The following DOCK9 variants were observed in gnomAD, a reference collection of about 807,000 sequenced individuals.
The protein encoded by DOCK9 is dedicator of cytokinesis protein 9.
Under a neutral mutation model 263.3 loss-of-function variants are expected in DOCK9, and 89 were observed. The ratio of observed to expected loss-of-function variants is 0.34; its 90% CI spans 0.28 to 0.40. The LOEUF (loss-of-function observed/expected upper bound fraction) is 0.40. DOCK9 is among the 10% of genes least tolerant of loss of function. DOCK9 has a pLI of 1.00. For missense variants in DOCK9, 2,140 were observed against 2,603.4 expected (o/e 0.82, Z 3.87); for synonymous variants, 976 against 973.1 (o/e 1.00, Z -0.06).
upstream of DOCK9, chr13:98,978,164 TC>T: frequency 7.8e-7 from 1 of 1,276,392 alleles, no homozygotes; most frequent in Non-Finnish European, 1.0e-6. Flanking sequence ...GAAAACAAAC[TC>T]CAAGCTGAAC....
At chr13:98,841,832 G>T (rs1163726419) in intron 38 of DOCK9, among the ~76,000 whole-genome samples, 1 of 151,348 alleles carries the variant, frequency 6.6e-6, no homozygotes, top group African/African-American at 2.4e-5. Context: ...TAGTAGAGAC[G>T]GGGTTTCACC....
intron 1 of DOCK9, among the ~76,000 whole-genome samples, chr13:98,967,745 G>A (rs1302822757): frequency 6.6e-6 from 1 of 152,094 alleles, no homozygotes; most frequent in Non-Finnish European, 1.5e-5. Context: ...CTACAGCAGA[G>A]ATAAAAAGCA....
intron 2 of DOCK9, among the ~76,000 whole-genome samples, chr13:98,933,865 CTGT>C (rs71724333): frequency 0.24 from 36,007 of 148,786 alleles, 4,727 homozygotes; most frequent in Non-Finnish European, 0.29. Context: ...AACCTAGCCT[CTGT>C]TGTTGTTGTT....
At chr13:98,836,396 G>A (rs1017553292) in intron 39 of DOCK9, among the ~76,000 whole-genome samples, 4 of 152,124 alleles carry the variant, frequency 2.6e-5, no homozygotes, top group Admixed American at 6.6e-5. Flanking sequence ...GAGAGGCTCC[G>A]AAGCTTCTTT....
rs147175342 is a variant in DOCK9 at position 98,821,575 on chromosome 13, A to G, written c.5130+2823T>C. ...CATTCGTTAACAAGGGAGGGATCTC[A>G]GAACTACATGGGCCATGGGGAATTT... is the stretch of plus-strand genomic sequence containing the variant. On this transcript the variant is annotated intron_variant, in intron 45 of 52. Coordinates refer to ENST00000682017, the MANE Select transcript of DOCK9 (RefSeq NM_001366683.2). Among the ~76,000 whole-genome samples, 701 of 152,332 alleles carry G rather than the reference A, an allele frequency of 4.6e-3. 6 individuals are homozygous for G. Among genetic ancestry groups the G allele is most frequent in the South Asian group, 0.026 (126 of 4,824 alleles).
chr13:98,883,864 G>A lies in DOCK9; in HGVS notation c.2418C>T (p.Gly806=). 6.2e-7 allele frequency: 1 copy of A among 1,609,952 alleles called. No individual in the cohort carries two copies. Among genetic ancestry groups the A allele is most frequent in the Non-Finnish European group, 8.5e-7 (1 of 1,178,624 alleles). The part of the protein sequence containing the change: ...YGPEIKWVDG[G]KPLLKISTHL... ...GAGTGGAAATTTTCAGCAGTGGCTT[G>A]CCTCCATCTACCCATTTAATTTCCG... Residue 806 remains glycine, a synonymous_variant, in exon 22 of 53, where the codon GGC becomes GGT. Transcript: ENST00000682017.
chr13:98,917,623 A>G (rs578061785), intron 7 of DOCK9, among the ~76,000 whole-genome samples: 1 of 142,716 alleles, frequency 7.0e-6, no homozygotes, highest in East Asian at 2.1e-4. Context: ...ATATACTTTC[A>G]TGTATTTTAC....
At chr13:98,933,412 C>G (rs2054272819) in intron 2 of DOCK9, among the ~76,000 whole-genome samples, 2 of 151,784 alleles carry the variant, frequency 1.3e-5, no homozygotes, top group Non-Finnish European at 2.9e-5. Flanking sequence ...AAACAGAATC[C>G]TGAATTTTTT....
At chr13:99,081,501 T>C (rs2042119566) in intron 1 of DOCK9, among the ~76,000 whole-genome samples, 1 of 152,218 alleles carries the variant, frequency 6.6e-6, no homozygotes. Flanking sequence ...CATAGTGAGA[T>C]AAGATCAGTA....
chr13:98,946,685 C>T (rs1396781929), intron 2 of DOCK9, among the ~76,000 whole-genome samples: 5 of 152,216 alleles, frequency 3.3e-5, no homozygotes, highest in African/African-American at 1.2e-4. Flanking sequence ...TTCTTGCTTT[C>T]CCAATCCTGG....
chr13:98,870,112 A>T (rs1162874742), intron 27 of DOCK9, among the ~76,000 whole-genome samples: 2 of 152,240 alleles, frequency 1.3e-5, no homozygotes, highest in Non-Finnish European at 2.9e-5. Context: ...TCAAACAAAT[A>T]GTATTTTCTA....
At chr13:98,987,539 T>C (rs1445726687) in intron 1 of DOCK9, among the ~76,000 whole-genome samples, 1 of 152,172 alleles carries the variant, frequency 6.6e-6, no homozygotes, top group Admixed American at 6.6e-5. Flanking sequence ...CGATGTTACA[T>C]AAGCATTTAA....
chr13:99,085,629 GC>G (rs901698276), intron 1 of DOCK9, among the ~76,000 whole-genome samples: 3 of 152,120 alleles, frequency 2.0e-5, no homozygotes, highest in Non-Finnish European at 2.9e-5. Context: ...TTCCCATCAT[GC>G]CCCCCAAGCC....
intron 32 of DOCK9, among the ~76,000 whole-genome samples, chr13:98,862,095 C>T (rs1425713796): frequency 6.6e-6 from 1 of 152,126 alleles, no homozygotes; most frequent in Non-Finnish European, 1.5e-5. Context: ...ATTCTGAGGC[C>T]TCACAAGACA....
intron 27 of DOCK9, among the ~76,000 whole-genome samples, chr13:98,869,408 C>T (rs907263421): frequency 1.3e-5 from 2 of 152,310 alleles, no homozygotes; most frequent in East Asian, 1.9e-4. Context: ...CTAACAACAA[C>T]GATTCAGACC....
At chr13:98,841,030 CA>C (rs1389331957) in intron 38 of DOCK9, among the ~76,000 whole-genome samples, 3 of 152,192 alleles carry the variant, frequency 2.0e-5, no homozygotes, top group African/African-American at 7.2e-5. Flanking sequence ...AATATCTACA[CA>C]ATCTATTATT....
At chr13:98,831,957 A>T (rs2092781382) in intron 39 of DOCK9, 171 bp from the exon 40 acceptor site, 3 of 745,220 alleles carry the variant, frequency 4.0e-6, no homozygotes, top group Non-Finnish European at 6.3e-6. Flanking sequence ...AGAACAAGCA[A>T]ATCTATCAAT....
At chr13:99,020,500 C>G (rs1487523690) in intron 1 of DOCK9, among the ~76,000 whole-genome samples, 2 of 152,182 alleles carry the variant, frequency 1.3e-5, no homozygotes, top group South Asian at 4.1e-4. Flanking sequence ...TAACAAACCT[C>G]AGCCATGCAG....
At chr13:98,920,374 T>A (rs148768794) in intron 7 of DOCK9, among the ~76,000 whole-genome samples, 1 of 152,226 alleles carries the variant, frequency 6.6e-6, no homozygotes, top group Non-Finnish European at 1.5e-5. Context: ...CTAAGCTTTT[T>A]ACATGTGTAA....
Sources: allele counts gnomAD v4.1 joint callset (sites outside exome capture counted in the v4.1 genomes callset), GRCh38; gene constraint gnomAD v4.1.1; transcripts MANE v1.5; gene names NCBI Gene and HGNC (gene_info 2026-07-23, HGNC 2026-07-21).